The following DHX29 variants were observed in gnomAD, a reference collection of about 807,000 sequenced individuals.
The protein encoded by DHX29 is ATP-dependent RNA helicase DHX29.
Under a neutral mutation model 167.9 loss-of-function variants are expected in DHX29, and 79 were observed. The ratio of observed to expected loss-of-function variants is 0.47; its 90% CI spans 0.39 to 0.57. The LOEUF is 0.57. Ranked by LOEUF, DHX29 falls within the 20% of genes least tolerant of loss-of-function variation. DHX29 has a pLI of 0.00. For synonymous variants in DHX29, 530 were observed against 546.0 expected (o/e 0.97, Z 0.41); for missense variants, 1,347 against 1,593.4 (o/e 0.85, Z 2.63).
intron 8 of DHX29, among the ~76,000 whole-genome samples, chr5:55,287,436 G>A (rs201163110): frequency 1.3e-5 from 2 of 151,852 alleles, no homozygotes; most frequent in East Asian, 3.9e-4. Context: ...GTGAAGGTCT[G>A]TCTCAAAAAA....
chr5:55,272,201 C>T, intron 17 of DHX29, 26 bp from the exon 18 acceptor site: 2 of 1,332,626 alleles, frequency 1.5e-6, no homozygotes, highest in Non-Finnish European at 2.1e-6. Context: ...AAGCTTAAAA[C>T]ATTTAGACTA....
chr5:55,282,987 G>T lies in DHX29; in HGVS notation c.1965+216C>A, dbSNP rs544353459. 21 of 392,474 alleles carry T rather than the reference G, an allele frequency of 5.4e-5. No individual in the cohort carries two copies. The South Asian group carries it at 1.9e-3, about 35-fold the overall frequency. 24.3% of individuals were successfully genotyped at this position (392,474 alleles called of 1,614,324 possible). Reference sequence around the variant, plus strand: ...TTAATATATTTTTTCTTTTATATGAGAATTTTAATGACAGAACTCTACTGA... The same window carrying T: ...TTAATATATTTTTTCTTTTATATGATAATTTTAATGACAGAACTCTACTGA... On this transcript the variant is annotated intron_variant, in intron 11 of 26. Transcript: ENST00000251636.
In DHX29 at chr5:55,276,282, C is replaced by G. The variant is rs1747108959; in HGVS notation, c.2411G>C (p.Gly804Ala). The G allele has an allele frequency of 6.3e-7, 1 of 1,576,660 alleles. No individual in the cohort carries two copies. Among genetic ancestry groups the G allele is most frequent in the Admixed American group, 2.1e-5 (1 of 48,056 alleles). ...VTINVTSKAG[G>A]IKKYQEYIPV... ...TCTTTTTACCTGATATTTTTTTATT[C>G]CCCCTGCTTTGCTTGTAACATTAAT... is the stretch of plus-strand genomic sequence containing the variant. Residue 804 changes from glycine to alanine, a missense_variant, in exon 14 of 27, where the codon GGA becomes GCA. Gly to Ala is a moderately conservative substitution (Grantham distance 60, BLOSUM62 0). Around this residue, in one of 3 missense-constraint regions of DHX29, gnomAD observed 882 missense variants for 1,082.4 expected, o/e 0.81. Transcript: ENST00000251636.
At chr5:55,301,713 C>CAAAAAAAAAAAAAAAAAAAAAAAAAAAAA (rs70992777) in intron 1 of DHX29, among the ~76,000 whole-genome samples, 1 of 64,738 alleles carries the variant, frequency 1.5e-5, no homozygotes, top group Non-Finnish European at 3.0e-5. Context: ...AACTCCATCT[C>CAAAAAAAAAAAAAAAAAAAAAAAAAAAAA]AAAAAAAAAA....
rs1428887654 is a variant in DHX29, at chr5:55,283,541, C to T, written c.1627G>A (p.Val543Met). Reference protein sequence around the residue: ...FSALSLESANVEDLEPVRNLF... With the variant: ...FSALSLESANMEDLEPVRNLF... The stretch of plus-strand genomic sequence containing the variant: ...TTTCTAACAGGTTCCAAATCTTCCA[C>T]ATTTGCTGATTCCAAGGACAGTGCA... The change falls in exon 11 of 27, where the codon GTG becomes ATG. Residue 543 changes from valine to methionine, a missense_variant. Physicochemically the swap from Val to Met is conservative, Grantham distance 21. Transcript: ENST00000251636. The T allele has an allele frequency of 2.5e-6, 4 of 1,614,060 alleles. No homozygotes were observed. The highest frequency in any genetic ancestry group is 3.4e-6 in the Non-Finnish European group (4 of 1,180,026).
chr5:55,295,610 G>T, intron 4 of DHX29, 86 bp from the exon 5 acceptor site: 2 of 1,406,148 alleles, frequency 1.4e-6, no homozygotes, highest in Non-Finnish European at 9.7e-7. Flanking sequence ...TGTAAACCTT[G>T]CCTAGACTTA....
intron 8 of DHX29, 44 bp downstream of exon 8, chr5:55,289,226 T>C: frequency 6.7e-7 from 1 of 1,484,228 alleles, no homozygotes. Flanking sequence ...CTTGACATTT[T>C]ATTATTTACA....
intron 1 of DHX29, among the ~76,000 whole-genome samples, chr5:55,299,036 CAAAAAAAAAAAAAA>C (rs35986300): frequency 1.3e-5 from 1 of 76,164 alleles, no homozygotes; most frequent in African/African-American, 4.7e-5. Flanking sequence ...GACTCCGTCT[CAAAAAAAAAAAAAA>C]AAAAAAAAAG....
At chr5:55,281,347 G>T (rs1336375592) in intron 12 of DHX29, 25 bp downstream of exon 12, 28 of 1,472,732 alleles carry the variant, frequency 1.9e-5, no homozygotes, top group South Asian at 4.6e-5. Context: ...TCAAATTTTT[G>T]AATACAACTA....
chr5:55,285,942 G>T, intron 8 of DHX29, 81 bp from the exon 9 acceptor site: 1 of 1,153,458 alleles, frequency 8.7e-7, no homozygotes, highest in South Asian at 1.9e-5. Context: ...TCTTGCTTTG[G>T]AGAACAGCAC....
chr5:55,268,555 G>T (rs1746695181), intron 21 of DHX29, among the ~76,000 whole-genome samples: 1 of 152,060 alleles, frequency 6.6e-6, no homozygotes, highest in South Asian at 2.1e-4. Context: ...CTCCTGAATA[G>T]CTGGGTCTAC....
intron 5 of DHX29, among the ~76,000 whole-genome samples, 200 bp from the exon 6 acceptor site, chr5:55,294,345 A>AT (rs760955872): frequency 6.6e-6 from 1 of 152,248 alleles, no homozygotes; most frequent in Non-Finnish European, 1.5e-5. Flanking sequence ...ATATGTTTAC[A>AT]TAAAGCGGTA....
In DHX29 at chr5:55,262,757, G is replaced by A; in HGVS notation, c.3701C>T (p.Thr1234Ile). 6.2e-7 allele frequency: 1 copy of A among 1,614,032 alleles called. No homozygotes were observed. The highest frequency in any genetic ancestry group is 8.5e-7 in the Non-Finnish European group (1 of 1,179,976). Residue 1234 changes from threonine to isoleucine, a missense_variant, in exon 24 of 27, where the codon ACA (threonine) becomes ATA (isoleucine). Transcript: ENST00000251636. ...TTTTTCTGTAACATCCACTGACTTT[G>A]TATAGATTATCTTCCCCACATTGTC... ...LYDNVGKIIY[T>I]KSVDVTEKLA... is the part of the protein sequence containing the mutation.
Position 55,259,232 on chromosome 5 carries a change from C to T in DHX29, c.4057+616G>A, listed in dbSNP as rs142327879. Among the ~76,000 whole-genome samples the T allele has an allele frequency of 8.5e-5, 13 of 152,148 alleles. No individual in the cohort carries two copies. In the East Asian group the frequency reaches 2.3e-3, roughly 27 times the overall value. On this transcript the variant is annotated intron_variant, in intron 26 of 26. Coordinates refer to ENST00000251636, the MANE Select transcript of DHX29 (RefSeq NM_019030.4). ...AGTTTACTATGCTCAGTTTTATTAA[C>T]CTTTTTTTCTATGAAATGGCTAGAA... is the stretch of plus-strand genomic sequence containing the variant.
intron 23 of DHX29, among the ~76,000 whole-genome samples, chr5:55,264,424 T>C (rs1746456318): frequency 6.6e-6 from 1 of 152,138 alleles, no homozygotes; most frequent in Admixed American, 6.5e-5. Context: ...TAACTAGCCA[T>C]CCCAGGCTGT....
At chr5:55,306,632 A>G (rs1748877663) in intron 1 of DHX29, among the ~76,000 whole-genome samples, 1 of 152,196 alleles carries the variant, frequency 6.6e-6, no homozygotes, top group Non-Finnish European at 1.5e-5. Context: ...ATCTTATCAG[A>G]CACATACTAA....
In DHX29 at chr5:55,281,522, G is replaced by A; in HGVS notation, c.1966-7C>T. 1 of 1,568,010 alleles carries A rather than the reference G, an allele frequency of 6.4e-7. No individual in the cohort carries two copies. Among genetic ancestry groups the A allele is most frequent in the Non-Finnish European group, 8.6e-7 (1 of 1,158,632 alleles). On this transcript the variant is annotated splice_polypyrimidine_tract_variant and splice_region_variant and intron_variant, in intron 11 of 26. Transcript: ENST00000251636. ...GATATCCACACAAGGAATTCTAAAG[G>A]GAGAACATAAGGCCTTGATTAGATT... is the stretch of plus-strand genomic sequence containing the variant.
chr5:55,283,659 TTGC>T lies in DHX29; in HGVS notation c.1506_1508del (p.Gln508del). 6.2e-7 allele frequency: 1 copy of T among 1,614,140 alleles called. No individual in the cohort carries two copies. Among genetic ancestry groups the T allele is most frequent in the Non-Finnish European group, 8.5e-7 (1 of 1,180,008 alleles). ...TTTCAGAATGCTGTTGTTGCTGCTG[TTGC>T]TGCTGTTTCAGTTTATTCAGAAGTT... On this transcript the variant is annotated inframe_deletion, in exon 11 of 27. Coordinates refer to ENST00000251636, the MANE Select transcript of DHX29 (RefSeq NM_019030.4).
chr5:55,299,864 G>A (rs1579821272), intron 1 of DHX29, among the ~76,000 whole-genome samples: 1 of 152,282 alleles, frequency 6.6e-6, no homozygotes, highest in East Asian at 1.9e-4. Flanking sequence ...TGCCAAGTCT[G>A]TTCCAGTGAA....
Sources: gnomAD v4.1 joint callset for allele counts (sites outside exome capture counted in the v4.1 genomes callset) on GRCh38, gnomAD v4.1.1 for gene constraint, gnomAD v4.1.1 regional missense constraint, MANE v1.5 for transcripts, NCBI Gene and HGNC (gene_info 2026-07-23, HGNC 2026-07-21) for gene names.